PXDNL: variants seen among roughly 807,000 people sequenced by gnomAD.
PXDNL encodes the protein probable oxidoreductase PXDNL.
Under a neutral mutation model 150.8 loss-of-function variants are expected in PXDNL, and 145 were observed. The ratio of observed to expected loss-of-function variants is 0.96; its 90% CI spans 0.84 to 1.10. The LOEUF (loss-of-function observed/expected upper bound fraction) is 1.10. Among genes scored for constraint, PXDNL ranks in the 50% least tolerant of loss-of-function variants. The probability of loss-of-function intolerance (pLI) is 0.00; values close to 1 mark genes in which losing one functional copy is unlikely to be tolerated. For missense variants in PXDNL, 2,087 were observed against 1,873.9 expected, an observed-to-expected ratio of 1.11 and a Z score of -2.10; for synonymous variants, 757 against 725.7, an observed-to-expected ratio of 1.04 and a Z score of -0.69.
At chr8:51,791,085 T>A (rs1208808762) in intron 1 of PXDNL, among the ~76,000 whole-genome samples, 1 of 152,092 alleles carries the variant, frequency 6.6e-6, no homozygotes, top group Non-Finnish European at 1.5e-5. Context: ...CACCAAAGGA[T>A]TGAAGCTACT....
chr8:51,436,975 G>GA (rs1168802271), intron 12 of PXDNL, among the ~76,000 whole-genome samples: 1 of 152,044 alleles, frequency 6.6e-6, no homozygotes, highest in African/African-American at 2.4e-5. Context: ...ACCAAGAAGA[G>GA]AAAAGAACCA....
intron 17 of PXDNL, among the ~76,000 whole-genome samples, chr8:51,379,033 G>A (rs1396528694): frequency 6.6e-6 from 1 of 152,068 alleles, no homozygotes; most frequent in Non-Finnish European, 1.5e-5. Context: ...TCTTGCCACA[G>A]CGCTAGGACT....
chr8:51,678,945 A>G (rs1252461177), intron 1 of PXDNL, among the ~76,000 whole-genome samples: 1 of 152,220 alleles, frequency 6.6e-6, no homozygotes, highest in Non-Finnish European at 1.5e-5. Flanking sequence ...CATTTGTTTC[A>G]TACCTACCAC....
chr8:51,665,820 A>G (rs1338463413), intron 1 of PXDNL, among the ~76,000 whole-genome samples: 1 of 152,232 alleles, frequency 6.6e-6, no homozygotes, highest in Non-Finnish European at 1.5e-5. Context: ...TGTGTACTGT[A>G]CACCACAAAA....
chr8:51,518,898 A>C (rs1431610311), intron 4 of PXDNL, among the ~76,000 whole-genome samples: 5 of 152,168 alleles, frequency 3.3e-5, no homozygotes, highest in African/African-American at 1.2e-4. Flanking sequence ...AGAGAGGCAC[A>C]AGTGAAGGAA....
intron 1 of PXDNL, among the ~76,000 whole-genome samples, chr8:51,768,580 A>G (rs976999126): frequency 6.6e-6 from 1 of 152,236 alleles, no homozygotes; most frequent in Non-Finnish European, 1.5e-5. Flanking sequence ...TCAGATAATT[A>G]TATTAATACA....
At chr8:51,328,702 A>C (rs1586003465) in intron 21 of PXDNL, among the ~76,000 whole-genome samples, 2 of 152,324 alleles carry the variant, frequency 1.3e-5, no homozygotes, top group South Asian at 2.1e-4. Context: ...GCAATATAAA[A>C]AATGTGAGCA....
chr8:51,534,190 G>T (rs1178303579), intron 4 of PXDNL, among the ~76,000 whole-genome samples: 1 of 140,574 alleles, frequency 7.1e-6, no homozygotes, highest in African/African-American at 3.1e-5. Flanking sequence ...TGTCTGGGAG[G>T]TGAGGAGCGT....
chr8:51,576,199 A>G (rs1415394752), intron 3 of PXDNL, among the ~76,000 whole-genome samples: 1 of 87,698 alleles, frequency 1.1e-5, no homozygotes, highest in African/African-American at 6.7e-5. Flanking sequence ...ACACTGCTCC[A>G]AAAAAAAAAA....
intron 1 of PXDNL, among the ~76,000 whole-genome samples, chr8:51,807,465 A>G (rs1328759470): frequency 1.3e-5 from 2 of 152,192 alleles, no homozygotes; most frequent in Non-Finnish European, 2.9e-5. Context: ...TGGGAGTTAC[A>G]ATTGAACATG....
intron 1 of PXDNL, among the ~76,000 whole-genome samples, chr8:51,789,191 T>C (rs2037487458): frequency 6.7e-6 from 1 of 148,490 alleles, no homozygotes; most frequent in South Asian, 2.2e-4. Context: ...CTCCTCATTG[T>C]ACCCATTTTT....
intron 21 of PXDNL, among the ~76,000 whole-genome samples, chr8:51,325,849 C>G (rs983657596): frequency 2.0e-4 from 31 of 152,136 alleles, no homozygotes; most frequent in African/African-American, 7.2e-4. Context: ...CCTCACTTGG[C>G]CTTTGCTGGT....
chr8:51,399,111 A>G (rs1808172390), intron 17 of PXDNL, among the ~76,000 whole-genome samples: 2 of 152,142 alleles, frequency 1.3e-5, no homozygotes, highest in South Asian at 4.1e-4. Flanking sequence ...AGCAAATATA[A>G]AGTCTTCTAC....
intron 1 of PXDNL, among the ~76,000 whole-genome samples, chr8:51,654,990 C>A (rs1815121412): frequency 6.6e-6 from 1 of 152,164 alleles, no homozygotes; most frequent in African/African-American, 2.4e-5. Context: ...GGATGCCAGA[C>A]AAATGTGGCT....
At chr8:51,396,441 A>C (rs1419161302) in intron 17 of PXDNL, among the ~76,000 whole-genome samples, 1 of 152,204 alleles carries the variant, frequency 6.6e-6, no homozygotes, top group Non-Finnish European at 1.5e-5. Flanking sequence ...GCCTGGCTGC[A>C]CAGAAACATC....
At chr8:51,772,392 AT>A (rs1400978719) in intron 1 of PXDNL, among the ~76,000 whole-genome samples, 41 of 152,056 alleles carry the variant, frequency 2.7e-4, no homozygotes, top group East Asian at 2.0e-4. Flanking sequence ...GATCCAATTT[AT>A]TTTTTCAGAA....
chr8:51,486,141 G>C (rs753572401), intron 5 of PXDNL, among the ~76,000 whole-genome samples: 7 of 152,162 alleles, frequency 4.6e-5, no homozygotes, highest in Non-Finnish European at 1.0e-4. Flanking sequence ...TTGCATCCAT[G>C]ATTGAATATT....
chr8:51,345,719 C>T (rs1806130318), intron 20 of PXDNL, 114 bp downstream of exon 20: 1 of 607,276 alleles, frequency 1.6e-6, no homozygotes, highest in East Asian at 2.8e-5. Flanking sequence ...TGTGATTCAT[C>T]CTATATGTAA....
Position 51,447,016 on chromosome 8 carries a change from CA to C in PXDNL, c.1512del (p.Val505Ter). 6.2e-7 allele frequency: 1 copy of C among 1,613,890 alleles called. No individual in the cohort carries two copies. Among genetic ancestry groups the C allele is most frequent in the East Asian group, 2.2e-5 (1 of 44,874 alleles). On this transcript the variant is annotated frameshift_variant, in exon 12 of 23. Coordinates refer to ENST00000356297, the MANE Select transcript of PXDNL (RefSeq NM_144651.5). LOFTEE classifies it high-confidence loss of function. ...CAGTATATATTACCTTTGGGTTTTA[CA>C]GTCAGCTGCACAGACACCTTTTTCA... ...LGVKKVSVQL[T>X]VKPKALAVFT...
Sources: allele counts gnomAD v4.1 joint callset (sites outside exome capture counted in the v4.1 genomes callset), GRCh38; gene constraint gnomAD v4.1.1; transcripts MANE v1.5; gene names NCBI Gene and HGNC (gene_info 2026-07-23, HGNC 2026-07-21).